ANKFN1: variants seen among roughly 807,000 people sequenced by gnomAD.
ANKFN1 encodes ankyrin repeat and fibronectin type-III domain-containing protein 1.
In ANKFN1, 74 loss-of-function variants were observed where a neutral mutation model predicts 108.7. The ratio of observed to expected loss-of-function variants is 0.68; its 90% CI spans 0.56 to 0.83. The LOEUF is 0.83. Ranked by LOEUF, ANKFN1 falls within the 40% of genes least tolerant of loss-of-function variation. The pLI, the probability that ANKFN1 is intolerant of heterozygous loss-of-function variation, is 0.00. For synonymous variants in ANKFN1, 547 were observed against 516.2 expected, an observed-to-expected ratio of 1.06 and a Z score of -0.81; for missense variants, 1,505 against 1,382.3, an observed-to-expected ratio of 1.09 and a Z score of -1.41.
chr17:56,287,009 C>T (rs377034891), intron 3 of ANKFN1, among the ~76,000 whole-genome samples: 9 of 152,142 alleles, frequency 5.9e-5, no homozygotes, highest in East Asian at 1.9e-4. Flanking sequence ...GACCTGGGGG[C>T]GAGGCTTCTC....
At chr17:56,486,841 AC>A (rs1449720072) in intron 18 of ANKFN1, among the ~76,000 whole-genome samples, 2 of 152,236 alleles carry the variant, frequency 1.3e-5, no homozygotes, top group Non-Finnish European at 2.9e-5. Flanking sequence ...AAAGCATTGC[AC>A]TATATTTCAG....
chr17:56,183,750 TC>T (rs1359517604), intron 1 of ANKFN1, among the ~76,000 whole-genome samples: 1 of 152,176 alleles, frequency 6.6e-6, no homozygotes, highest in Non-Finnish European at 1.5e-5. Flanking sequence ...CTCAGGTATA[TC>T]TTTGTAACAA....
intron 4 of ANKFN1, among the ~76,000 whole-genome samples, chr17:56,144,185 A>T (rs56215887): frequency 0.24 from 23,709 of 99,096 alleles, 5,879 homozygotes; most frequent in East Asian, 0.37. Flanking sequence ...AAAAAAAAAA[A>T]CAGCCCAAAC....
intron 6 of ANKFN1, 84 bp from the exon 7 acceptor site, chr17:56,372,562 A>C (rs1419825058): frequency 1.2e-5 from 15 of 1,234,992 alleles, no homozygotes; most frequent in Admixed American, 2.5e-5. Context: ...TTTTCAAATC[A>C]TAGTAAACTC....
intron 4 of ANKFN1, among the ~76,000 whole-genome samples, chr17:56,126,048 T>C (rs1467647344): frequency 1.3e-5 from 2 of 152,130 alleles, no homozygotes; most frequent in Non-Finnish European, 2.9e-5. Flanking sequence ...GGGCTGCTGT[T>C]GTGTGGGGAA....
chr17:56,155,725 G>A (rs988098190), intron 1 of ANKFN1, among the ~76,000 whole-genome samples: 1 of 152,182 alleles, frequency 6.6e-6, no homozygotes, highest in African/African-American at 2.4e-5. Context: ...GAAGCAGAGA[G>A]GAGAGGTCAG....
chr17:56,074,425 C>T (rs540795491), intron 4 of ANKFN1, among the ~76,000 whole-genome samples: 171 of 152,284 alleles, frequency 1.1e-3, no homozygotes, highest in African/African-American at 4.0e-3. Flanking sequence ...GAAGCAGCAC[C>T]AGGCCCCCTC....
intron 1 of ANKFN1, among the ~76,000 whole-genome samples, chr17:56,196,143 C>T (rs1448134996): frequency 6.6e-6 from 1 of 152,086 alleles, no homozygotes; most frequent in East Asian, 1.9e-4. Flanking sequence ...TGGCTCGTGC[C>T]TGTAGTCCCA....
intron 6 of ANKFN1, among the ~76,000 whole-genome samples, chr17:56,356,739 C>T (rs1289468145): frequency 6.6e-6 from 1 of 152,108 alleles, no homozygotes; most frequent in Admixed American, 6.6e-5. Context: ...CAACGTCTGT[C>T]CCAAAGATCC....
At chr17:56,134,345 G>A (rs901273463) in intron 4 of ANKFN1, among the ~76,000 whole-genome samples, 3 of 152,074 alleles carry the variant, frequency 2.0e-5, no homozygotes, top group African/African-American at 4.8e-5. Context: ...TCATCATGTA[G>A]GCATGATTTA....
At chr17:56,329,506 C>G (rs1441176032) in intron 4 of ANKFN1, among the ~76,000 whole-genome samples, 1 of 152,152 alleles carries the variant, frequency 6.6e-6, no homozygotes, top group African/African-American at 2.4e-5. Flanking sequence ...TCATCACTCA[C>G]CCCTCTGTGC....
intron 4 of ANKFN1, among the ~76,000 whole-genome samples, chr17:56,049,382 G>A (rs1904734720): frequency 8.2e-6 from 1 of 122,256 alleles, no homozygotes; most frequent in Non-Finnish European, 1.8e-5. Context: ...ATAGAAGCGG[G>A]TTTGATAAAT....
intron 3 of ANKFN1, among the ~76,000 whole-genome samples, chr17:56,231,443 C>T (rs1916728007): frequency 6.6e-6 from 1 of 152,136 alleles, no homozygotes; most frequent in Non-Finnish European, 1.5e-5. Flanking sequence ...GTGATTTGTT[C>T]TGTTTCTATT....
intron 4 of ANKFN1, among the ~76,000 whole-genome samples, chr17:56,064,452 G>A (rs552430735): frequency 6.6e-6 from 1 of 152,322 alleles, no homozygotes; most frequent in East Asian, 1.9e-4. Context: ...TCCCTGCAGG[G>A]AAGCCCTGCC....
chr17:56,245,700 TGAA>T (rs1917908784), intron 3 of ANKFN1: 1 of 152,072 alleles, frequency 6.6e-6, no homozygotes, highest in African/African-American at 2.4e-5. Flanking sequence ...GTCATTAAAA[TGAA>T]GAAGAAACAG....
chr17:56,385,519 C>G (rs889234380), intron 8 of ANKFN1, among the ~76,000 whole-genome samples: 89 of 152,262 alleles, frequency 5.8e-4, no homozygotes, highest in Admixed American at 8.5e-4. Flanking sequence ...AAATTACCAT[C>G]AGAGTGAACA....
rs536260168 is a variant in ANKFN1, at chr17:56,118,655, T to C, written c.288+72330T>C. Among the ~76,000 whole-genome samples the C allele has an allele frequency of 5.7e-4, 87 of 152,246 alleles. 1 individual carries two copies. In the South Asian group the frequency reaches 6.2e-3, roughly 11 times the overall value. On this transcript the variant is annotated intron_variant, in intron 4 of 12. Transcript: ENST00000635860. ...CTTCCCAGCAATCCTCTGAAATAGATAGTATAGATGAGAAATAATGATAAC... is the reference window on the plus strand; with the variant it reads ...CTTCCCAGCAATCCTCTGAAATAGACAGTATAGATGAGAAATAATGATAAC...
At chr17:56,317,276 G>C (rs2045236982) in intron 3 of ANKFN1, among the ~76,000 whole-genome samples, 1 of 152,152 alleles carries the variant, frequency 6.6e-6, no homozygotes, top group African/African-American at 2.4e-5. Context: ...GAACCTTCAA[G>C]AACATTCCAG....
chr17:56,495,675 C>A (rs1396772218), intron 19 of ANKFN1, among the ~76,000 whole-genome samples: 2 of 152,082 alleles, frequency 1.3e-5, no homozygotes, highest in Non-Finnish European at 2.9e-5. Context: ...GTGTGAAGAC[C>A]TGGAGCTTGG....
Sources: gnomAD v4.1 joint callset for allele counts (sites outside exome capture counted in the v4.1 genomes callset) on GRCh38, gnomAD v4.1.1 for gene constraint, MANE v1.5 for transcripts, NCBI Gene and HGNC (gene_info 2026-07-23, HGNC 2026-07-21) for gene names.